SETD1A: variants seen among roughly 807,000 people sequenced by gnomAD.
SETD1A encodes the protein SET domain containing 1A, histone lysine methyltransferase, also known as histone-lysine N-methyltransferase SETD1A.
A neutral mutation model predicts 149.9 loss-of-function variants in SETD1A; 29 were observed. The observed-to-expected ratio is 0.19, with a 90% CI of 0.14 to 0.26. The LOEUF (loss-of-function observed/expected upper bound fraction) is 0.26, where lower values mean the gene tolerates loss of function less well. Ranked by LOEUF, SETD1A falls within the 10% of genes least tolerant of loss-of-function variation. The pLI, the probability that SETD1A is intolerant of heterozygous loss-of-function variation, is 1.00. For missense variants in SETD1A, 2,109 were observed against 2,353.1 expected, an observed-to-expected ratio of 0.90 and a Z score of 2.15; for synonymous variants, 1,141 against 968.5, an observed-to-expected ratio of 1.18 and a Z score of -3.31.
chr16:30,982,200 C>G (rs944507662), intron 17 of SETD1A, among the ~76,000 whole-genome samples: 5 of 152,102 alleles, frequency 3.3e-5, no homozygotes, highest in African/African-American at 1.2e-4. Flanking sequence ...CAGCTTGGCT[C>G]ATTAGAAACC....
rs1441647914 is a variant in SETD1A, at chr16:30,979,986, C to T, written c.4200C>T (p.Arg1400=). 20 of 1,496,900 alleles carry T rather than the reference C, an allele frequency of 1.3e-5. 1 individual carries two copies. Among genetic ancestry groups the T allele is most frequent in the Non-Finnish European group, 1.8e-5 (20 of 1,128,476 alleles). The allele number at this position is 1,496,900 out of a possible 1,614,324, so 92.7% of individuals were successfully genotyped here. A position where few individuals can be genotyped will look rare whatever the true frequency, so the allele number is the denominator to read the frequency against. ...RRRSLRSHAR[R]RRPPPPPPPP... ...GCAGCCTCCGCTCCCACGCCCGGCGCCGCCGCCCTCCGCCCCCACCCCCGC... is the reference window on the plus strand; with the variant it reads ...GCAGCCTCCGCTCCCACGCCCGGCGTCGCCGCCCTCCGCCCCCACCCCCGC... The change falls in exon 14 of 19, where the codon CGC becomes CGT. Residue 1400 remains arginine, a synonymous_variant. Transcript: ENST00000262519.
At chr16:30,971,033 C>T (rs1221477297) in intron 12 of SETD1A, among the ~76,000 whole-genome samples, 1 of 152,194 alleles carries the variant, frequency 6.6e-6, no homozygotes, top group Non-Finnish European at 1.5e-5. Context: ...GCCAGAGCAG[C>T]CTGCTTCCCA....
chr16:30,979,937 A>G lies in SETD1A; in HGVS notation c.4151A>G (p.Asp1384Gly). The G allele has an allele frequency of 6.5e-7, 1 of 1,534,148 alleles. No individual in the cohort carries two copies. The highest frequency in any genetic ancestry group is 8.7e-7 in the Non-Finnish European group (1 of 1,144,908). The change falls in exon 14 of 19, where the codon GAT becomes GGT. Residue 1384 changes from aspartate (D) to glycine (G), a missense_variant. Asp to Gly is a moderately conservative substitution (Grantham distance 94). Coordinates refer to ENST00000262519, the MANE Select transcript of SETD1A (RefSeq NM_014712.3). ...EESSDSSSSSDGEGALRRRSL... is the reference protein window; with the variant it reads ...EESSDSSSSSGGEGALRRRSL... Reference sequence around the variant, plus strand: ...TCCTCTGACAGCAGCAGCAGCAGCGATGGGGAGGGCGCCCTCCGGAGGCGC... The same window carrying G: ...TCCTCTGACAGCAGCAGCAGCAGCGGTGGGGAGGGCGCCCTCCGGAGGCGC...
At chr16:30,971,342 G>A (rs375839602) in intron 12 of SETD1A, 36 bp from the exon 13 acceptor site, 103 of 1,548,854 alleles carry the variant, frequency 6.7e-5, no homozygotes, top group Non-Finnish European at 8.6e-5. Context: ...AGTGAGGTCT[G>A]CCCACCTCTC....
chr16:30,965,245 C>A lies in SETD1A; in HGVS notation c.1503C>A (p.Ser501=). The change falls in exon 7 of 19, where the codon TCC becomes TCA. Residue 501 remains serine (S), a synonymous_variant. Coordinates refer to ENST00000262519, the MANE Select transcript of SETD1A (RefSeq NM_014712.3). ...AGATGCTGCTGAAGGAGCAGCGCTC[C>A]AAGTTTTCCTTCTTGGCCTCTGACA... The part of the protein sequence containing the change: ...RIEMLLKEQR[S]KFSFLASDTE... 3 of 1,614,242 alleles carry A rather than the reference C, an allele frequency of 1.9e-6. No homozygotes were observed. The highest frequency in any genetic ancestry group is 2.5e-6 in the Non-Finnish European group (3 of 1,180,042).
intron 17 of SETD1A, among the ~76,000 whole-genome samples, chr16:30,981,528 C>G (rs2056377856): frequency 1.3e-5 from 2 of 152,214 alleles, no homozygotes; most frequent in African/African-American, 4.8e-5. Flanking sequence ...GCGTGTGCCA[C>G]CATGCCCAGC....
At chr16:30,981,477 C>T (rs1399930607) in intron 17 of SETD1A, among the ~76,000 whole-genome samples, 5 of 152,156 alleles carry the variant, frequency 3.3e-5, no homozygotes, top group Admixed American at 6.5e-5. Flanking sequence ...TGGGTTCAAG[C>T]GATTCTCCTG....
chr16:30,981,231 A>G (rs758467118), intron 17 of SETD1A, 51 bp downstream of exon 17: 1 of 1,607,016 alleles, frequency 6.2e-7, no homozygotes, highest in East Asian at 2.2e-5. Flanking sequence ...ACAAGACAGC[A>G]TGGGGGCTCA....
chr16:30,976,676 G>A (rs944390954), intron 13 of SETD1A, among the ~76,000 whole-genome samples: 1 of 152,102 alleles, frequency 6.6e-6, no homozygotes, highest in Non-Finnish European at 1.5e-5. Context: ...AATCTCCAAG[G>A]CGGAGCCATT....
At chr16:30,966,756 C>T (rs1019198044) in intron 8 of SETD1A, 128 bp from the exon 9 acceptor site, 2 of 1,079,748 alleles carry the variant, frequency 1.9e-6, no homozygotes, top group Non-Finnish European at 1.3e-6. Flanking sequence ...GGGGCTGGGA[C>T]AGGTGTGACC....
Position 30,964,779 on chromosome 16 carries a change from C to T in SETD1A, c.1037C>T (p.Ser346Leu), listed in dbSNP as rs527555045. 27 of 1,614,174 alleles carry T rather than the reference C, an allele frequency of 1.7e-5. No individual in the cohort carries two copies. The highest frequency in any genetic ancestry group is 1.5e-4 in the Admixed American group (9 of 60,030). The change falls in exon 7 of 19, where the codon TCG (serine) becomes TTG (leucine). Residue 346 changes from serine to leucine, a missense_variant. Ser to Leu is a moderately radical substitution (Grantham distance 145). This residue lies in a region of SETD1A where 410 missense variants were observed against 394.8 expected (regional missense o/e 1.04). Coordinates refer to ENST00000262519, the MANE Select transcript of SETD1A (RefSeq NM_014712.3). ...SSSASSSSLS[S>L]SSSSSSSSSS... ...TCCGCCTCTTCCTCCTCATTGTCCT[C>T]GTCCTCCTCGTCATCCTCTTCCTCC...
Position 30,959,157 on chromosome 16 carries a change from G to A in SETD1A, c.217G>A (p.Asp73Asn). 6.2e-7 allele frequency: 1 copy of A among 1,613,468 alleles called. No individual in the cohort carries two copies. Among genetic ancestry groups the A allele is most frequent in the Non-Finnish European group, 8.5e-7 (1 of 1,179,398 alleles). The part of the protein sequence containing the change: ...PRCHVRSKNR[D>N]FSLPVPKFKL... ...TTGCCATGTCAGGTCCAAAAACAGA[G>A]ACTTTTCCCTCCCAGTCCCTAAGTT... The change falls in exon 3 of 19, where the codon GAC (aspartate) becomes AAC (asparagine). Residue 73 changes from aspartate to asparagine, a missense_variant. Transcript: ENST00000262519.
intron 3 of SETD1A, among the ~76,000 whole-genome samples, chr16:30,960,582 A>G (rs929546876): frequency 2.6e-5 from 4 of 152,094 alleles, no homozygotes; most frequent in African/African-American, 9.7e-5. Flanking sequence ...GCTTTTCTGT[A>G]TGGGAATCTC....
chr16:30,975,368 C>T (rs548354551), intron 13 of SETD1A, among the ~76,000 whole-genome samples: 19 of 151,760 alleles, frequency 1.3e-4, no homozygotes, highest in Non-Finnish European at 2.4e-4. Flanking sequence ...CTATGTGTGC[C>T]AGGCTCTAGG....
At chr16:30,968,808 A>AT (rs1567355789) in intron 10 of SETD1A, among the ~76,000 whole-genome samples, 74 of 151,424 alleles carry the variant, frequency 4.9e-4, no homozygotes, top group Admixed American at 5.9e-4. Context: ...TCAAAAAAAA[A>AT]AATATATATA....
At chr16:30,982,427 G>A (rs2056390498) in intron 17 of SETD1A, among the ~76,000 whole-genome samples, 1 of 151,878 alleles carries the variant, frequency 6.6e-6, no homozygotes, top group Non-Finnish European at 1.5e-5. Context: ...CTTGGACCTG[G>A]GAGGCAGAGG....
In SETD1A at chr16:30,971,703, T is replaced by C; in HGVS notation, c.3342T>C (p.Ser1114=). 1 of 1,572,174 alleles carries C rather than the reference T, an allele frequency of 6.4e-7. No individual in the cohort carries two copies. Among genetic ancestry groups the C allele is most frequent in the Non-Finnish European group, 8.7e-7 (1 of 1,155,364 alleles). Residue 1114 remains serine (S), a synonymous_variant, in exon 13 of 19, where the codon TCT becomes TCC. Transcript: ENST00000262519. ...CACCCCTGCCCGAACAGGAGGCGTCTCCAGCAAGGCCTGCAGGTAGGTGCC... is the reference window on the plus strand; with the variant it reads ...CACCCCTGCCCGAACAGGAGGCGTCCCCAGCAAGGCCTGCAGGTAGGTGCC... ...PVTPLPEQEA[S]PARPAGPTEE...
rs980388037 is a variant in SETD1A at position 30,983,173 on chromosome 16, C to T, written c.4813-462C>T. On this transcript the variant is annotated intron_variant, in intron 17 of 18. Coordinates refer to ENST00000262519, the MANE Select transcript of SETD1A (RefSeq NM_014712.3). The surrounding 1 kb of genome is among the most constrained non-coding windows in gnomAD (Gnocchi z 6.8). ...AAGGGTTGCTCCTCACACGGAGGTG[C>T]GGGGCCTGACATGGGCGGCCTGCCA... Among the ~76,000 whole-genome samples the T allele has an allele frequency of 6.6e-6, 1 of 152,154 alleles. No individual in the cohort carries two copies. Among genetic ancestry groups the T allele is most frequent in the Admixed American group, 6.5e-5 (1 of 15,272 alleles).
intron 6 of SETD1A, 114 bp from the exon 7 acceptor site, chr16:30,964,498 A>C: frequency 6.6e-7 from 1 of 1,514,356 alleles, no homozygotes; most frequent in East Asian, 2.3e-5. Context: ...GGAACCCAAC[A>C]TATAGCTCTT....
Sources: allele counts gnomAD v4.1 joint callset (sites outside exome capture counted in the v4.1 genomes callset), GRCh38; gene constraint gnomAD v4.1.1; regional missense constraint gnomAD v4.1.1; non-coding constraint Gnocchi (gnomAD v3.1); transcripts MANE v1.5; gene names NCBI Gene and HGNC (gene_info 2026-07-23, HGNC 2026-07-21).